The following SMC3 variants were observed in gnomAD, a reference collection of about 807,000 sequenced individuals.
SMC3 encodes the protein structural maintenance of chromosomes protein 3.
SMC3 carries 20 observed loss-of-function variants against 171.8 expected under a neutral mutation model. The ratio of observed to expected loss-of-function variants is 0.12; its 90% CI spans 0.08 to 0.17. The LOEUF (loss-of-function observed/expected upper bound fraction) is 0.17, where lower values mean the gene tolerates loss of function less well. Among genes scored for constraint, SMC3 ranks in the 10% least tolerant of loss-of-function variants. The pLI, the probability that SMC3 is intolerant of heterozygous loss-of-function variation, is 1.00. For missense variants in SMC3, 543 were observed against 1,420.4 expected, an observed-to-expected ratio of 0.38 and a Z score of 9.93; for synonymous variants, 464 against 451.1, an observed-to-expected ratio of 1.03 and a Z score of -0.36.
At position 110,590,561 on chromosome 10, in the gene SMC3, T is replaced by C; in HGVS notation, c.1659T>C (p.Thr553=). The part of the protein sequence containing the change: ...EPAFYTCVEV[T]AGNRLFYHIV... ...CTTTCTACACATGCGTGGAAGTCAC[T>C]GCTGGAAACAGGTTAAAGCTTTTGC... Residue 553 remains threonine (T), a synonymous_variant, in exon 16 of 29, where the codon ACT becomes ACC. Transcript: ENST00000361804. 2 of 1,614,104 alleles carry C rather than the reference T, an allele frequency of 1.2e-6. No individual in the cohort carries two copies. The highest frequency in any genetic ancestry group is 1.7e-6 in the Non-Finnish European group (2 of 1,179,944).
At chr10:110,593,368 T>G in intron 18 of SMC3, 145 bp downstream of exon 18, 1 of 750,568 alleles carries the variant, frequency 1.3e-6, no homozygotes, top group Non-Finnish European at 2.2e-6. Flanking sequence ...AGTCAGGAGT[T>G]CAAGACCAGC....
chr10:110,600,215 CTG>C (rs1186349615), intron 21 of SMC3, among the ~76,000 whole-genome samples: 2 of 152,122 alleles, frequency 1.3e-5, no homozygotes, highest in African/African-American at 2.4e-5. Flanking sequence ...TTTAAAGAAA[CTG>C]TTTTTGACAG....
chr10:110,603,441 CTA>C (rs1861418036), intron 28 of SMC3, 151 bp downstream of exon 28: 1 of 632,536 alleles, frequency 1.6e-6, no homozygotes, highest in Admixed American at 2.9e-5. Context: ...CTTCAAATAA[CTA>C]TGAAGTTTAG....
chr10:110,580,241 G>A (rs1429532931), intron 7 of SMC3, among the ~76,000 whole-genome samples: 1 of 151,878 alleles, frequency 6.6e-6, no homozygotes, highest in Non-Finnish European at 1.5e-5. Flanking sequence ...ACCTGCAGGG[G>A]GTCCTAGAAC....
At chr10:110,576,839 T>C (rs1004583384) in intron 4 of SMC3, among the ~76,000 whole-genome samples, 12 of 152,194 alleles carry the variant, frequency 7.9e-5, no homozygotes, top group Admixed American at 5.9e-4. Flanking sequence ...TTTTGTGTCA[T>C]AGATTGGTTT....
chr10:110,578,769 A>C, intron 7 of SMC3, 63 bp downstream of exon 7: 1 of 1,307,716 alleles, frequency 7.6e-7, no homozygotes, highest in Non-Finnish European at 1.1e-6. Flanking sequence ...TGAGTGATGA[A>C]TTTGGTTTAT....
rs779451107 is a variant in SMC3, at chr10:110,599,818, T to C, written c.2427+6T>C. 2.4e-5 allele frequency: 38 copies of C among 1,613,642 alleles called. No individual in the cohort carries two copies. Among genetic ancestry groups the C allele is most frequent in the Admixed American group, 8.3e-5 (5 of 59,998 alleles). On this transcript the variant is annotated splice_donor_region_variant and intron_variant, in intron 21 of 28. Coordinates refer to ENST00000361804, the MANE Select transcript of SMC3 (RefSeq NM_005445.4). ...AGATTCGTCAACTTCAGCAGGTAAG[T>C]AGACAGCTGACTGGAAAAAGAATTC... is the stretch of plus-strand genomic sequence containing the variant.
At chr10:110,579,261 T>A (rs1381582709) in intron 7 of SMC3, among the ~76,000 whole-genome samples, 3 of 152,236 alleles carry the variant, frequency 2.0e-5, no homozygotes, top group African/African-American at 7.2e-5. Flanking sequence ...TATTTTATAC[T>A]GTAGGCCTTT....
chr10:110,593,252 C>A (rs1467848406), intron 18 of SMC3, 29 bp downstream of exon 18: 1 of 1,602,110 alleles, frequency 6.2e-7, no homozygotes, highest in Admixed American at 1.7e-5. Flanking sequence ...TAGCTTTAAA[C>A]AGATAAATTC....
intron 2 of SMC3, among the ~76,000 whole-genome samples, chr10:110,570,260 G>A (rs561488696): frequency 6.6e-6 from 1 of 152,296 alleles, no homozygotes; most frequent in African/African-American, 2.4e-5. Context: ...GTTTCAGGGT[G>A]TCAGTTCAAT....
At chr10:110,575,446 T>C in intron 4 of SMC3, 43 bp downstream of exon 4, 8 of 1,394,716 alleles carry the variant, frequency 5.7e-6, no homozygotes, top group Non-Finnish European at 8.1e-6. Flanking sequence ...TTACATATAT[T>C]TTAAAAATAA....
In SMC3 at chr10:110,577,047, C is replaced by T. The variant is rs539114084; in HGVS notation, c.199-374C>T. Among the ~76,000 whole-genome samples the T allele has an allele frequency of 2.6e-5, 4 of 152,256 alleles. No individual in the cohort carries two copies. The East Asian group carries it at 5.8e-4, about 22-fold the overall frequency. On this transcript the variant is annotated intron_variant, in intron 4 of 28. Transcript: ENST00000361804. ...GCAAATAGGTAGAGTTAAATGTCCC[C>T]AGTCTTGCAGTCTAATAAAGTGGTC... is the stretch of plus-strand genomic sequence containing the variant.
chr10:110,604,542 G>A lies in SMC3; in HGVS notation c.*240G>A, dbSNP rs1214724240. ...AAAATGTTCTGCTCCTATTTTAAAT[G>A]TTTTGAAACATGCTAAATATTCTTT... On this transcript the variant is annotated 3_prime_UTR_variant, in exon 29 of 29. Transcript: ENST00000361804. 1 of 443,334 alleles carries A rather than the reference G, an allele frequency of 2.3e-6. No homozygotes were observed. Among genetic ancestry groups the A allele is most frequent in the African/African-American group, 2.0e-5 (1 of 49,840 alleles). The allele number at this position is 443,334 out of a possible 1,614,324, so 27.5% of individuals were successfully genotyped here. A position where few individuals can be genotyped will look rare whatever the true frequency, so the allele number is the denominator to read the frequency against.
intron 7 of SMC3, among the ~76,000 whole-genome samples, chr10:110,579,871 T>C (rs552863515): frequency 1.3e-4 from 20 of 152,350 alleles, no homozygotes; most frequent in African/African-American, 3.4e-4. Context: ...TGCAGTGATA[T>C]CATTTTTGAC....
intron 2 of SMC3, 142 bp downstream of exon 2, chr10:110,569,155 CTT>C: frequency 1.5e-6 from 1 of 673,318 alleles, no homozygotes; most frequent in South Asian, 1.7e-5. Flanking sequence ...ACTTTTCTGT[CTT>C]ATTGCACTGA....
chr10:110,569,548 G>A (rs1228418089), intron 2 of SMC3, among the ~76,000 whole-genome samples: 1 of 151,970 alleles, frequency 6.6e-6, no homozygotes, highest in Non-Finnish European at 1.5e-5. Flanking sequence ...CGAGTTGATG[G>A]GTGCAGCAAA....
In SMC3 at chr10:110,584,375, G is replaced by A. The variant is rs918852656; in HGVS notation, c.1284G>A (p.Glu428=). 1.9e-6 allele frequency: 3 copies of A among 1,612,394 alleles called. No homozygotes were observed. Among genetic ancestry groups the A allele is most frequent in the African/African-American group, 2.7e-5 (2 of 74,864 alleles). The change falls in exon 13 of 29, where the codon GAG becomes GAA. Residue 428 remains glutamate (E), a synonymous_variant. Transcript: ENST00000361804. ...TGGAAGACACTGAAGCAAATAAAGA[G>A]AAAAATCTGGAGCAGTATAATGTAA... ...KDLEDTEANK[E]KNLEQYNKLD...
chr10:110,599,817 G>A lies in SMC3; in HGVS notation c.2427+5G>A, dbSNP rs765981967. The stretch of plus-strand genomic sequence containing the variant: ...GAGATTCGTCAACTTCAGCAGGTAA[G>A]TAGACAGCTGACTGGAAAAAGAATT... On this transcript the variant is annotated splice_donor_5th_base_variant and intron_variant, in intron 21 of 28. Coordinates refer to ENST00000361804, the MANE Select transcript of SMC3 (RefSeq NM_005445.4). The A allele has an allele frequency of 3.1e-6, 5 of 1,613,736 alleles. No individual in the cohort carries two copies. In the South Asian group the frequency reaches 4.4e-5, roughly 14 times the overall value.
chr10:110,569,646 G>T (rs1256459191), intron 2 of SMC3, among the ~76,000 whole-genome samples: 2 of 152,076 alleles, frequency 1.3e-5, no homozygotes, highest in African/African-American at 4.8e-5. Context: ...AAAAATCCCA[G>T]TTGTGGCACA....
Sources: allele counts gnomAD v4.1 joint callset (sites outside exome capture counted in the v4.1 genomes callset), GRCh38; gene constraint gnomAD v4.1.1; transcripts MANE v1.5; gene names NCBI Gene and HGNC (gene_info 2026-07-23, HGNC 2026-07-21).